The following VPS41 variants were observed in gnomAD, a reference collection of about 807,000 sequenced individuals.
VPS41 encodes vacuolar protein sorting-associated protein 41 homolog.
Under a neutral mutation model 130.9 loss-of-function variants are expected in VPS41, and 85 were observed. That is an observed-to-expected ratio of 0.65 (90% confidence interval 0.55 to 0.78). The LOEUF (loss-of-function observed/expected upper bound fraction) is 0.78, where lower values mean the gene tolerates loss of function less well. VPS41 is among the 30% of genes least tolerant of loss of function. The probability of loss-of-function intolerance (pLI) is 0.00; values close to 1 mark genes in which losing one functional copy is unlikely to be tolerated. For synonymous variants in VPS41, 335 were observed against 332.9 expected (o/e 1.01, Z -0.07); for missense variants, 874 against 1,018.7 (o/e 0.86, Z 1.93).
intron 4 of VPS41, among the ~76,000 whole-genome samples, chr7:38,842,546 C>T (rs761177983): frequency 1.2e-4 from 19 of 152,194 alleles, no homozygotes; most frequent in Non-Finnish European, 1.8e-4. Flanking sequence ...AATATATAGT[C>T]GTCCTACTGA....
chr7:38,894,808 ACAG>A (rs1562627521), intron 2 of VPS41, among the ~76,000 whole-genome samples: 1 of 152,122 alleles, frequency 6.6e-6, no homozygotes, highest in Non-Finnish European at 1.5e-5. Context: ...TGGAGGCTAG[ACAG>A]CAAGAAAATG....
chr7:38,858,460 C>T (rs961901401), intron 4 of VPS41, among the ~76,000 whole-genome samples: 14 of 152,150 alleles, frequency 9.2e-5, no homozygotes, highest in Non-Finnish European at 1.6e-4. Context: ...TCCCCCTTCC[C>T]GTCATGGCCT....
intron 14 of VPS41, among the ~76,000 whole-genome samples, chr7:38,769,779 T>A (rs1784118507): frequency 6.6e-6 from 1 of 152,220 alleles, no homozygotes; most frequent in Non-Finnish European, 1.5e-5. Context: ...CTCATGACCT[T>A]CCACCTGGAT....
intron 7 of VPS41, among the ~76,000 whole-genome samples, chr7:38,805,408 CT>C (rs1784820353): frequency 6.6e-6 from 1 of 152,064 alleles, no homozygotes; most frequent in African/African-American, 2.4e-5. Context: ...TGGTGCACGC[CT>C]GTAGTCCCAG....
chr7:38,815,792 G>C (rs1228259741), intron 7 of VPS41, among the ~76,000 whole-genome samples: 1 of 152,108 alleles, frequency 6.6e-6, no homozygotes, highest in Non-Finnish European at 1.5e-5. Context: ...GATGTTTCCT[G>C]CCCTTGAACA....
intron 10 of VPS41, among the ~76,000 whole-genome samples, chr7:38,788,786 A>T (rs1283831015): frequency 6.6e-6 from 1 of 151,330 alleles, no homozygotes; most frequent in African/African-American, 2.4e-5. Flanking sequence ...TCCTAAAGTT[A>T]AAAAAAAAGA....
intron 4 of VPS41, among the ~76,000 whole-genome samples, chr7:38,846,459 G>C (rs1480413411): frequency 4.6e-5 from 7 of 152,224 alleles, no homozygotes; most frequent in Non-Finnish European, 1.0e-4. Context: ...GCAAAGACAA[G>C]AAAGTGCATT....
intron 7 of VPS41, 99 bp downstream of exon 7, chr7:38,817,718 A>C: frequency 1.0e-6 from 1 of 1,003,792 alleles, no homozygotes; most frequent in South Asian, 1.3e-5. Flanking sequence ...AATTTCTCCT[A>C]ATGAATAGCC....
intron 2 of VPS41, among the ~76,000 whole-genome samples, chr7:38,891,181 G>A (rs190402088): frequency 1.9e-3 from 283 of 152,092 alleles, no homozygotes; most frequent in Non-Finnish European, 2.9e-3. Context: ...ATTTCATTCT[G>A]GGTTCCATAG....
chr7:38,781,167 G>C (rs1784348354), intron 10 of VPS41, among the ~76,000 whole-genome samples: 1 of 152,126 alleles, frequency 6.6e-6, no homozygotes, highest in South Asian at 2.1e-4. Context: ...AAAAAGAGGT[G>C]AAATTTTAAT....
chr7:38,891,095 T>C (rs151016335), intron 2 of VPS41, among the ~76,000 whole-genome samples: 1,555 of 152,268 alleles, frequency 0.01, 6 homozygotes, highest in Non-Finnish European at 0.014. Flanking sequence ...TACAATAAAA[T>C]TGGCTAAGAA....
chr7:38,840,425 A>G (rs1162726246), intron 4 of VPS41, among the ~76,000 whole-genome samples: 1 of 152,172 alleles, frequency 6.6e-6, no homozygotes, highest in African/African-American at 2.4e-5. Flanking sequence ...AGTTACTACA[A>G]TATGCTTCCC....
chr7:38,814,649 C>CA (rs879809426), intron 7 of VPS41, among the ~76,000 whole-genome samples: 13 of 150,926 alleles, frequency 8.6e-5, no homozygotes, highest in Non-Finnish European at 1.3e-4. Context: ...AACTCTGTCT[C>CA]AAAAAAAACA....
At chr7:38,803,172 C>T (rs1784766688) in intron 7 of VPS41, among the ~76,000 whole-genome samples, 1 of 152,180 alleles carries the variant, frequency 6.6e-6, no homozygotes, top group South Asian at 2.1e-4. Flanking sequence ...CCAGAATCTC[C>T]CACATGTGTG....
At chr7:38,837,628 C>T in intron 4 of VPS41, among the ~76,000 whole-genome samples, 1 of 152,172 alleles carries the variant, frequency 6.6e-6, no homozygotes, top group Admixed American at 6.5e-5. Flanking sequence ...TGGGAATCCC[C>T]ACAACTTGCA....
At chr7:38,840,547 T>A (rs1323022417) in intron 4 of VPS41, among the ~76,000 whole-genome samples, 1 of 152,182 alleles carries the variant, frequency 6.6e-6, no homozygotes, top group Non-Finnish European at 1.5e-5. Flanking sequence ...ACACGCCTAG[T>A]CTGACTTCAC....
At chr7:38,893,698 C>G (rs1786914791) in intron 2 of VPS41, among the ~76,000 whole-genome samples, 1 of 152,142 alleles carries the variant, frequency 6.6e-6, no homozygotes, top group Non-Finnish European at 1.5e-5. Flanking sequence ...ACTATGTAGC[C>G]TATTAAATGA....
chr7:38,842,136 C>T (rs1446324082), intron 4 of VPS41, among the ~76,000 whole-genome samples: 2 of 152,188 alleles, frequency 1.3e-5, no homozygotes, highest in African/African-American at 2.4e-5. Context: ...AGCCAGAGTA[C>T]TAAGAGTCAT....
At position 38,817,886 on chromosome 7, in the gene VPS41, C is replaced by T; in HGVS notation, c.385-4G>A. Reference sequence around the variant, plus strand: ...AATGTGGGTGCACAGCAATAATCTACAAGAGAAACAGAACCCAACTCTGGT... The same window carrying T: ...AATGTGGGTGCACAGCAATAATCTATAAGAGAAACAGAACCCAACTCTGGT... On this transcript the variant is annotated splice_polypyrimidine_tract_variant and splice_region_variant and intron_variant, in intron 6 of 28. Coordinates refer to ENST00000310301, the MANE Select transcript of VPS41 (RefSeq NM_014396.4). 3.1e-6 allele frequency: 5 copies of T among 1,613,646 alleles called. No homozygotes were observed. The highest frequency in any genetic ancestry group is 4.2e-6 in the Non-Finnish European group (5 of 1,179,724).
Sources: gnomAD v4.1 joint callset for allele counts (sites outside exome capture counted in the v4.1 genomes callset) on GRCh38, gnomAD v4.1.1 for gene constraint, MANE v1.5 for transcripts, NCBI Gene and HGNC (gene_info 2026-07-23, HGNC 2026-07-21) for gene names.